LAMC2: variants seen among roughly 807,000 people sequenced by gnomAD.
The protein encoded by LAMC2 is laminin subunit gamma 2.
A neutral mutation model predicts 140.2 loss-of-function variants in LAMC2; 97 were observed. The ratio of observed to expected loss-of-function variants is 0.69; its 90% confidence interval spans 0.59 to 0.82. The LOEUF (loss-of-function observed/expected upper bound fraction) is 0.82. Among genes scored for constraint, LAMC2 ranks in the 40% least tolerant of loss-of-function variants. The pLI is 0.00. For synonymous variants in LAMC2, 513 were observed against 540.2 expected, an observed-to-expected ratio of 0.95 and a Z score of 0.70; for missense variants, 1,402 against 1,476.1, an observed-to-expected ratio of 0.95 and a Z score of 0.82.
At chr1:183,239,218 T>G in intron 19 of LAMC2, 146 bp from the exon 20 acceptor site, 1 of 801,720 alleles carries the variant, frequency 1.2e-6, no homozygotes, top group East Asian at 2.5e-5. Context: ...TTTAAGAAAG[T>G]TAATTCCAGC....
At chr1:183,204,368 G>A (rs1280098328) in intron 1 of LAMC2, among the ~76,000 whole-genome samples, 1 of 152,042 alleles carries the variant, frequency 6.6e-6, no homozygotes, top group Non-Finnish European at 1.5e-5. Flanking sequence ...AGCCAAGGTA[G>A]GCGGATTGCT....
Position 183,243,456 on chromosome 1 carries a change from G to A in LAMC2, c.*56G>A. The A allele has an allele frequency of 6.2e-7, 1 of 1,610,182 alleles. No individual in the cohort carries two copies. Among genetic ancestry groups the A allele is most frequent in the South Asian group, 1.1e-5 (1 of 90,936 alleles). Reference sequence around the variant, plus strand: ...CTTGGGATACAGATCTCAGGGCTCGGGAGCCATGTCATGTGAGTGGGTGGG... The same window carrying A: ...CTTGGGATACAGATCTCAGGGCTCGAGAGCCATGTCATGTGAGTGGGTGGG... On this transcript the variant is annotated 3_prime_UTR_variant, in exon 23 of 23. Coordinates refer to ENST00000264144, the MANE Select transcript of LAMC2 (RefSeq NM_005562.3).
At chr1:183,258,445 C>A in the LAMC2 span, among the ~76,000 whole-genome samples, 1 of 152,194 alleles carries the variant, frequency 6.6e-6, no homozygotes, top group Non-Finnish European at 1.5e-5. Flanking sequence ...TTCTAACCTC[C>A]AAGCTGTCCT....
chr1:183,236,658 T>C (rs1272728068), intron 17 of LAMC2, 54 bp downstream of exon 17: 25 of 1,590,042 alleles, frequency 1.6e-5, no homozygotes, highest in Non-Finnish European at 2.2e-5. Context: ...AAATACTTTC[T>C]TTTCTGGGGG....
Position 183,228,531 on chromosome 1 carries a change from C to A in LAMC2, c.1626C>A (p.Ile542=). Residue 542 remains isoleucine, a synonymous_variant, in exon 11 of 23, where the codon ATC becomes ATA. Transcript: ENST00000264144. This position sits in a 1 kb window ranked among gnomAD's most constrained non-coding sequence, Gnocchi z 4.3. ...TGACAGGCAGGTGTTTGAAGTGTAT[C>A]CACAACACAGCCGGCATCTACTGCG... The part of the protein sequence containing the change: ...DRLTGRCLKC[I]HNTAGIYCDQ... 6.2e-7 allele frequency: 1 copy of A among 1,613,962 alleles called. No homozygotes were observed. Among genetic ancestry groups the A allele is most frequent in the Non-Finnish European group, 8.5e-7 (1 of 1,180,022 alleles).
At chr1:183,187,066 T>G (rs1437449670) in intron 1 of LAMC2, among the ~76,000 whole-genome samples, 1 of 152,206 alleles carries the variant, frequency 6.6e-6, no homozygotes, top group Non-Finnish European at 1.5e-5. Flanking sequence ...TAAACAAAAC[T>G]TTGTGAGAAC....
chr1:183,234,687 G>T (rs1490348129), intron 15 of LAMC2, among the ~76,000 whole-genome samples: 9 of 152,174 alleles, frequency 5.9e-5, no homozygotes. Flanking sequence ...ATTTCCCTAT[G>T]ACTCACAGTA....
At chr1:183,220,176 T>C (rs1429816653) in intron 4 of LAMC2, among the ~76,000 whole-genome samples, 1 of 152,164 alleles carries the variant, frequency 6.6e-6, no homozygotes, top group Non-Finnish European at 1.5e-5. Flanking sequence ...AGGATGCCCC[T>C]GTTAGTCGTG....
intron 1 of LAMC2, among the ~76,000 whole-genome samples, chr1:183,200,407 T>A (rs1228312237): frequency 1.3e-5 from 2 of 151,836 alleles, no homozygotes; most frequent in Non-Finnish European, 2.9e-5. Context: ...AAAAGAACAT[T>A]AGAAAGAGGA....
At chr1:183,186,871 T>G (rs1760621) in intron 1 of LAMC2, among the ~76,000 whole-genome samples, 86,382 of 152,042 alleles carry the variant, frequency 0.57, 25,300 homozygotes, top group East Asian at 0.73. Flanking sequence ...ATGTTTCAAA[T>G]TTCGGATGGA....
chr1:183,192,868 C>T (rs994474233), intron 1 of LAMC2, among the ~76,000 whole-genome samples: 4 of 152,116 alleles, frequency 2.6e-5, no homozygotes, highest in Admixed American at 2.6e-4. Flanking sequence ...CCATGCCTGA[C>T]TAATTTTTTG....
At chr1:183,211,699 C>G (rs1364603042) in intron 2 of LAMC2, among the ~76,000 whole-genome samples, 1 of 152,032 alleles carries the variant, frequency 6.6e-6, no homozygotes, top group Non-Finnish European at 1.5e-5. Context: ...TTTGTGGAGA[C>G]AGGGTCTATG....
chr1:183,196,161 G>T (rs1489069782), intron 1 of LAMC2, among the ~76,000 whole-genome samples: 1 of 150,680 alleles, frequency 6.6e-6, no homozygotes, highest in Non-Finnish European at 1.5e-5. Context: ...TTTTGAGATG[G>T]AGTTTCACTC....
intron 1 of LAMC2, among the ~76,000 whole-genome samples, chr1:183,194,370 A>C (rs1426604736): frequency 1.3e-5 from 2 of 152,164 alleles, no homozygotes; most frequent in African/African-American, 4.8e-5. Context: ...GAACTATATA[A>C]TGGTATGTAA....
chr1:183,198,218 T>G (rs1381066065), intron 1 of LAMC2, among the ~76,000 whole-genome samples: 1 of 151,132 alleles, frequency 6.6e-6, no homozygotes, highest in East Asian at 1.9e-4. Flanking sequence ...CTCGGCTTAC[T>G]GCAACCTCCA....
chr1:183,248,110 A>T (rs998687051), downstream of LAMC2: 6 of 152,426 alleles, frequency 3.9e-5, no homozygotes, highest in South Asian at 1.0e-3. Context: ...GCATCAGCTG[A>T]ACCAGGCAGG....
rs773264191 is a variant in LAMC2 at position 183,240,305 on chromosome 1, C to A, written c.3242C>A (p.Ala1081Asp). The A allele has an allele frequency of 2.5e-6, 4 of 1,614,186 alleles. No homozygotes were observed. Among genetic ancestry groups the A allele is most frequent in the Non-Finnish European group, 3.4e-6 (4 of 1,180,034 alleles). The change falls in exon 22 of 23, where the codon GCC becomes GAC. Residue 1081 changes from alanine (A) to aspartate (D), a missense_variant. Physicochemically the swap from Ala to Asp is moderately radical, Grantham distance 126. Coordinates refer to ENST00000264144, the MANE Select transcript of LAMC2 (RefSeq NM_005562.3). ...MDAVQMVITE[A>D]QKVDTRAKNA... is the part of the protein sequence containing the mutation. ...ATTTGTCCTCAGGTGATTACAGAAG[C>A]CCAGAAGGTTGATACCAGAGCCAAG... is the stretch of plus-strand genomic sequence containing the variant.
In LAMC2 at chr1:183,199,422, CTCCTTCCT is replaced by C. The variant is rs144680316; in HGVS notation, c.80-8444_80-8437del. ...ACTGCCTATATTCCTTCCTTCCTTT[CTCCTTCCT>C]TCCTTCCTTCCTTCTTTCCTTCCTT... On this transcript the variant is annotated intron_variant, in intron 1 of 22. Coordinates refer to ENST00000264144, the MANE Select transcript of LAMC2 (RefSeq NM_005562.3). 2.2e-3 allele frequency among the ~76,000 whole-genome samples: 334 copies of C among 151,384 alleles called. 5 individuals are homozygous for C. Among genetic ancestry groups the C allele is most frequent in the African/African-American group, 7.4e-3 (306 of 41,310 alleles).
chr1:183,197,810 T>C (rs1658569037), intron 1 of LAMC2, among the ~76,000 whole-genome samples: 2 of 152,324 alleles, frequency 1.3e-5, no homozygotes, highest in Admixed American at 6.5e-5. Flanking sequence ...ACGGTGGTTA[T>C]TGAAGTCCTT....
Sources: gnomAD v4.1 joint callset for allele counts (sites outside exome capture counted in the v4.1 genomes callset) on GRCh38, gnomAD v4.1.1 for gene constraint, Gnocchi (gnomAD v3.1) non-coding constraint, MANE v1.5 for transcripts, NCBI Gene and HGNC (gene_info 2026-07-23, HGNC 2026-07-21) for gene names.